The following ARL15 variants were observed in gnomAD, a reference collection of about 807,000 sequenced individuals.
The protein encoded by ARL15 is ADP-ribosylation factor-like protein 15.
Under a neutral mutation model 25.2 loss-of-function variants are expected in ARL15, and 19 were observed. The observed-to-expected ratio is 0.75, with a 90% confidence interval of 0.53 to 1.10. The LOEUF is 1.10. Ranked by LOEUF, ARL15 falls within the 50% of genes least tolerant of loss-of-function variation. The pLI is 0.00. For missense variants in ARL15, 220 were observed against 246.0 expected, an observed-to-expected ratio of 0.89 and a Z score of 0.71; for synonymous variants, 94 against 86.8, an observed-to-expected ratio of 1.08 and a Z score of -0.46.
intron 1 of ARL15, among the ~76,000 whole-genome samples, chr5:54,254,554 C>A (rs894876507): frequency 2.4e-4 from 36 of 152,192 alleles, no homozygotes; most frequent in African/African-American, 8.7e-4. Flanking sequence ...TGCATAGTTT[C>A]TTTTAGTAGA....
At chr5:53,974,477 C>T (rs1454200893) in intron 4 of ARL15, among the ~76,000 whole-genome samples, 1 of 152,178 alleles carries the variant, frequency 6.6e-6, no homozygotes, top group African/African-American at 2.4e-5. Flanking sequence ...AGAAGTTTCT[C>T]TGCGCTCACT....
intron 1 of ARL15, among the ~76,000 whole-genome samples, chr5:54,196,975 C>A (rs1423609): frequency 0.19 from 29,338 of 151,990 alleles, 3,110 homozygotes; most frequent in Middle Eastern, 0.28. Flanking sequence ...AAACTTTAAA[C>A]TCTGAAGAAT....
At chr5:53,980,893 G>A (rs1748096883) in intron 4 of ARL15, among the ~76,000 whole-genome samples, 1 of 151,946 alleles carries the variant, frequency 6.6e-6, no homozygotes, top group African/African-American at 2.4e-5. Flanking sequence ...AGGCCGTAGG[G>A]TCACCTGAGC....
At chr5:54,208,030 T>C (rs1755920353) in intron 1 of ARL15, among the ~76,000 whole-genome samples, 1 of 152,086 alleles carries the variant, frequency 6.6e-6, no homozygotes, top group Non-Finnish European at 1.5e-5. Context: ...CCAAGGCCCC[T>C]TTTCCCCCTT....
intron 4 of ARL15, among the ~76,000 whole-genome samples, chr5:54,008,098 A>G (rs989971892): frequency 1.3e-5 from 2 of 152,226 alleles, no homozygotes; most frequent in African/African-American, 4.8e-5. Context: ...AATAACTTCT[A>G]TAACTCAGAA....
At chr5:53,905,180 C>T (rs1341433495) in intron 4 of ARL15, among the ~76,000 whole-genome samples, 3 of 152,182 alleles carry the variant, frequency 2.0e-5, no homozygotes, top group East Asian at 1.9e-4. Flanking sequence ...CATTAACACC[C>T]ACTTCAGTCT....
intron 4 of ARL15, among the ~76,000 whole-genome samples, chr5:54,019,182 T>G (rs1277370439): frequency 6.6e-6 from 1 of 152,032 alleles, no homozygotes; most frequent in African/African-American, 2.4e-5. Flanking sequence ...TTTTTCTTTT[T>G]ATGTTCCTAA....
At chr5:54,014,151 T>C (rs995886611) in intron 4 of ARL15, among the ~76,000 whole-genome samples, 10 of 152,320 alleles carry the variant, frequency 6.6e-5, no homozygotes, top group African/African-American at 2.4e-4. Flanking sequence ...AGATTAGAGA[T>C]GTTTAACAAA....
intron 4 of ARL15, among the ~76,000 whole-genome samples, chr5:54,000,715 C>T (rs1425275193): frequency 1.3e-5 from 2 of 151,970 alleles, no homozygotes; most frequent in Non-Finnish European, 2.9e-5. Context: ...TCCCTAATTC[C>T]TAACCAAAAA....
chr5:54,046,981 C>G (rs1053422042), intron 4 of ARL15, among the ~76,000 whole-genome samples: 9 of 152,230 alleles, frequency 5.9e-5, no homozygotes, highest in African/African-American at 2.2e-4. Flanking sequence ...CAAGGGCTTT[C>G]CATTTACACT....
intron 4 of ARL15, among the ~76,000 whole-genome samples, chr5:54,024,180 C>T (rs771572905): frequency 5.3e-5 from 8 of 152,140 alleles, no homozygotes; most frequent in African/African-American, 9.7e-5. Flanking sequence ...TTGGCCCCTA[C>T]GATACAAGTT....
chr5:54,003,930 A>G (rs932282562), intron 4 of ARL15, among the ~76,000 whole-genome samples: 12 of 152,184 alleles, frequency 7.9e-5, no homozygotes, highest in Non-Finnish European at 1.3e-4. Flanking sequence ...ACTAAACATG[A>G]AGAGTATTAA....
At chr5:54,252,222 A>T (rs1410600595) in intron 1 of ARL15, among the ~76,000 whole-genome samples, 2 of 152,126 alleles carry the variant, frequency 1.3e-5, no homozygotes, top group Non-Finnish European at 2.9e-5. Context: ...TAGTAAAAGG[A>T]TCTCGACATC....
intron 4 of ARL15, among the ~76,000 whole-genome samples, chr5:54,033,577 CA>C (rs1362286855): frequency 6.7e-6 from 1 of 149,986 alleles, no homozygotes; most frequent in African/African-American, 2.5e-5. Context: ...GAGGCTGAGG[CA>C]GGAGAATTGC....
At chr5:54,261,853 G>T (rs559542803) in intron 1 of ARL15, among the ~76,000 whole-genome samples, 162 of 152,202 alleles carry the variant, frequency 1.1e-3, no homozygotes, top group African/African-American at 3.2e-3. Context: ...CCAATGACAG[G>T]CTGGTAACCT....
At chr5:54,201,096 T>C (rs1418715418) in intron 1 of ARL15, among the ~76,000 whole-genome samples, 3 of 152,088 alleles carry the variant, frequency 2.0e-5, no homozygotes, top group Non-Finnish European at 4.4e-5. Context: ...ATAGCTTTCC[T>C]TGGTTTTACC....
intron 3 of ARL15, among the ~76,000 whole-genome samples, chr5:54,115,619 G>A (rs189445964): frequency 9.7e-4 from 148 of 152,192 alleles, no homozygotes; most frequent in African/African-American, 3.5e-3. Context: ...TAATTTTCAG[G>A]TCCTAAAATC....
At chr5:53,897,099 G>C (rs983404427) in intron 4 of ARL15, among the ~76,000 whole-genome samples, 3 of 152,008 alleles carry the variant, frequency 2.0e-5, no homozygotes, top group Non-Finnish European at 2.9e-5. Flanking sequence ...CTGATAATTT[G>C]TATACTATAA....
At chr5:54,009,511 A>G (rs1165187636) in intron 4 of ARL15, among the ~76,000 whole-genome samples, 1 of 152,164 alleles carries the variant, frequency 6.6e-6, no homozygotes, top group Admixed American at 6.5e-5. Context: ...CTAGGTAGGT[A>G]ACTGTTTCAG....
Sources: allele counts gnomAD v4.1 joint callset (sites outside exome capture counted in the v4.1 genomes callset), GRCh38; gene constraint gnomAD v4.1.1; transcripts MANE v1.5; gene names NCBI Gene and HGNC (gene_info 2026-07-23, HGNC 2026-07-21).